OPRM1: variants seen among roughly 807,000 people sequenced by gnomAD.
The protein encoded by OPRM1 is opioid receptor mu 1, also known as mu-type opioid receptor.
In OPRM1, 27 loss-of-function variants were observed where a neutral mutation model predicts 31.8. That is an observed-to-expected ratio of 0.85 (90% CI 0.63 to 1.17). The LOEUF (loss-of-function observed/expected upper bound fraction) is 1.17, where lower values mean the gene tolerates loss of function less well. Among genes scored for constraint, OPRM1 ranks in the 50% most tolerant of loss-of-function variants. OPRM1 has a pLI of 0.00. For missense variants in OPRM1, 536 were observed against 511.1 expected (o/e 1.05, Z -0.47); for synonymous variants, 196 against 189.9 (o/e 1.03, Z -0.26).
intron 3 of OPRM1, among the ~76,000 whole-genome samples, chr6:154,140,951 C>T (rs9397687): frequency 0.39 from 58,582 of 152,002 alleles, 11,488 homozygotes; most frequent in Middle Eastern, 0.46. Context: ...GAATGACTCA[C>T]GTATGGCCCC....
chr6:154,056,461 G>A (rs1186921225), intron 1 of OPRM1, among the ~76,000 whole-genome samples: 4 of 151,988 alleles, frequency 2.6e-5, no homozygotes, highest in South Asian at 2.1e-4. Context: ...CATTAATGAC[G>A]ATTCTGTGGC....
intron 1 of OPRM1, among the ~76,000 whole-genome samples, chr6:154,077,987 C>G (rs557995346): frequency 6.6e-6 from 1 of 152,204 alleles, no homozygotes; most frequent in South Asian, 2.1e-4. Context: ...TTCTGTTACT[C>G]AGTCTCTCTG....
Position 154,092,262 on chromosome 6 carries a change from G to GA in OPRM1, c.1164+794dup, listed in dbSNP as rs1158904784. ...ATGGGAAATCAACAAGGAGGAAAGA[G>GA]AAAAGGCTGTCTCCAAGTTAGTATT... On this transcript the variant is annotated intron_variant, in intron 3 of 3. Coordinates refer to ENST00000330432, the MANE Select transcript of OPRM1 (RefSeq NM_000914.5). Among the ~76,000 whole-genome samples the GA allele has an allele frequency of 5.3e-5, 8 of 152,238 alleles. No individual in the cohort carries two copies. In the East Asian group the frequency reaches 1.5e-3, roughly 29 times the overall value.
intron 1 of OPRM1, among the ~76,000 whole-genome samples, chr6:154,068,158 C>T (rs1173696217): frequency 1.3e-5 from 2 of 152,090 alleles, no homozygotes; most frequent in African/African-American, 4.8e-5. Context: ...TCATGTACCA[C>T]ATGATATTTT....
rs7775848 is a variant in OPRM1 at position 154,026,986 on chromosome 6, T to A, written c.1-12175T>A. 6.4e-3 allele frequency among the ~76,000 whole-genome samples: 971 copies of A among 152,294 alleles called. 15 individuals are homozygous for A. The highest frequency in any genetic ancestry group is 0.022 in the African/African-American group (924 of 41,550). On this transcript the variant is annotated intron_variant, in intron 1 of 5. Coordinates refer to the OPRM1 transcript ENST00000434900. ...TTTAGTTCATTTAGTGGGGTCGTAT[T>A]TTCTTGGATTGTCTTGATACTTGTA...
At chr6:154,201,666 G>A (rs1339445052) in intron 3 of OPRM1, among the ~76,000 whole-genome samples, 1 of 152,056 alleles carries the variant, frequency 6.6e-6, no homozygotes, top group East Asian at 1.9e-4. Flanking sequence ...AGGCCGAGGT[G>A]GGCAGATCTC....
At chr6:154,076,638 A>C (rs1448909921) in intron 1 of OPRM1, among the ~76,000 whole-genome samples, 1 of 151,980 alleles carries the variant, frequency 6.6e-6, no homozygotes, top group Non-Finnish European at 1.5e-5. Flanking sequence ...TCAGACCAGC[A>C]CCTCTTCCTT....
intron 3 of OPRM1, chr6:154,093,126 C>T: frequency 1.5e-6 from 1 of 659,316 alleles, no homozygotes; most frequent in Non-Finnish European, 2.5e-6. Context: ...AATAGATTTT[C>T]ACCAACCTGG....
intron 3 of OPRM1, among the ~76,000 whole-genome samples, chr6:154,203,340 C>T (rs9384190): frequency 0.055 from 8,411 of 152,170 alleles, 341 homozygotes; most frequent in South Asian, 0.19. Context: ...GGTGCTTCTG[C>T]GGTTATTTCT....
chr6:154,046,499 T>C (rs1562395382), intron 1 of OPRM1, among the ~76,000 whole-genome samples: 1 of 152,224 alleles, frequency 6.6e-6, no homozygotes, highest in Non-Finnish European at 1.5e-5. Flanking sequence ...TTTCATGTTA[T>C]ATAGTAACGT....
chr6:154,104,964 A>G (rs1202409147), intron 3 of OPRM1, among the ~76,000 whole-genome samples: 1 of 152,220 alleles, frequency 6.6e-6, no homozygotes. Context: ...CATAGGTCAG[A>G]AACCCTGAAC....
At chr6:154,160,136 A>G (rs894359983) in intron 3 of OPRM1, 39 of 917,418 alleles carry the variant, frequency 4.3e-5, no homozygotes, top group Non-Finnish European at 6.2e-5. Context: ...ACACATATAC[A>G]TAAAATTACC....
chr6:154,222,898 G>A, intron 3 of OPRM1: 1 of 471,904 alleles, frequency 2.1e-6, no homozygotes, highest in East Asian at 3.8e-5. Context: ...TCCTGGAGGG[G>A]GTTTATTCCA....
Position 154,089,912 on chromosome 6 carries a change from A to G in OPRM1, c.377A>G (p.Gln126Arg), listed in dbSNP as rs1312299099. The G allele has an allele frequency of 1.2e-6, 2 of 1,614,102 alleles. No individual in the cohort carries two copies. The highest frequency in any genetic ancestry group is 1.7e-6 in the Non-Finnish European group (2 of 1,179,996). Reference protein sequence around the residue: ...DALATSTLPFQSVNYLMGTWP... With the variant: ...DALATSTLPFRSVNYLMGTWP... Reference sequence around the variant, plus strand: ...TTAGCCACCAGTACCCTGCCCTTCCAGAGTGTGAATTACCTAATGGGAACA... The same window carrying G: ...TTAGCCACCAGTACCCTGCCCTTCCGGAGTGTGAATTACCTAATGGGAACA... The change falls in exon 2 of 4, where the codon CAG becomes CGG. Residue 126 changes from glutamine to arginine, a missense_variant. Transcript: ENST00000330432.
chr6:154,118,919 G>C lies in OPRM1; in HGVS notation c.*198G>C, dbSNP rs151022682. 1,799 of 1,396,288 alleles carry C rather than the reference G, an allele frequency of 1.3e-3. 9 individuals carry two copies. The African/African-American group carries it at 0.024, about 18-fold the overall frequency. The allele number at this position is 1,396,288 out of a possible 1,614,324, so 86.5% of individuals were successfully genotyped here. On this transcript the variant is annotated 3_prime_UTR_variant, in exon 4 of 4. Coordinates refer to ENST00000330432, the MANE Select transcript of OPRM1 (RefSeq NM_000914.5). ...CAAAAGTAAGTGGAGCATTTGGAAGGAAAGGAATATACCACACCGAGGAGT... is the reference window on the plus strand; with the variant it reads ...CAAAAGTAAGTGGAGCATTTGGAAGCAAAGGAATATACCACACCGAGGAGT...
intron 3 of OPRM1, among the ~76,000 whole-genome samples, chr6:154,245,119 C>T (rs1218170312): frequency 8.6e-5 from 13 of 152,012 alleles, no homozygotes; most frequent in Non-Finnish European, 1.6e-4. Flanking sequence ...ACCCAGGTTG[C>T]CTCAATTTGG....
chr6:154,186,695 T>G (rs1027513943), intron 3 of OPRM1, among the ~76,000 whole-genome samples: 1 of 152,106 alleles, frequency 6.6e-6, no homozygotes, highest in Non-Finnish European at 1.5e-5. Flanking sequence ...TAGCTGGGAC[T>G]ACAGGCGCCC....
At chr6:154,173,927 G>T (rs1007330132) in intron 3 of OPRM1, among the ~76,000 whole-genome samples, 7 of 152,172 alleles carry the variant, frequency 4.6e-5, no homozygotes, top group Non-Finnish European at 8.8e-5. Flanking sequence ...AGAGAGAAAG[G>T]TTGGGTTACC....
chr6:154,095,057 C>A (rs1334308089), intron 3 of OPRM1, among the ~76,000 whole-genome samples: 4 of 152,174 alleles, frequency 2.6e-5, no homozygotes, highest in Non-Finnish European at 4.4e-5. Flanking sequence ...TTTGGGAGGC[C>A]AAGGCTAGTG....
Sources: allele counts gnomAD v4.1 joint callset (sites outside exome capture counted in the v4.1 genomes callset), GRCh38; gene constraint gnomAD v4.1.1; transcripts MANE v1.5; gene names NCBI Gene and HGNC (gene_info 2026-07-23, HGNC 2026-07-21).